The following MAD1L1 variants were observed in gnomAD, a reference collection of about 807,000 sequenced individuals.
The protein encoded by MAD1L1 is mitotic spindle assembly checkpoint protein MAD1.
MAD1L1 carries 95 observed loss-of-function variants against 96.9 expected under a neutral mutation model. The observed-to-expected ratio is 0.98, with a 90% confidence interval of 0.83 to 1.16. The LOEUF (loss-of-function observed/expected upper bound fraction) is 1.16. Among genes scored for constraint, MAD1L1 ranks in the 50% most tolerant of loss-of-function variants. The pLI is 0.00. For synonymous variants in MAD1L1, 473 were observed against 396.6 expected (o/e 1.19, Z -2.29); for missense variants, 1,007 against 954.4 (o/e 1.06, Z -0.73).
chr7:2,177,823 C>G (rs1046429041), intron 10 of MAD1L1, among the ~76,000 whole-genome samples: 1 of 152,210 alleles, frequency 6.6e-6, no homozygotes, highest in Non-Finnish European at 1.5e-5. Context: ...GAGTTTGCAT[C>G]TTCAACAAGA....
intron 18 of MAD1L1, among the ~76,000 whole-genome samples, chr7:1,894,497 C>T (rs886942263): frequency 2.0e-5 from 3 of 152,208 alleles, no homozygotes; most frequent in African/African-American, 7.2e-5. Context: ...CCACAGGTGG[C>T]ACTTATGAGA....
chr7:2,000,039 G>A (rs867809719), intron 14 of MAD1L1, among the ~76,000 whole-genome samples: 37 of 152,244 alleles, frequency 2.4e-4, no homozygotes, highest in African/African-American at 8.7e-4. Flanking sequence ...CCCAACAACA[G>A]AAACACCATG....
intron 13 of MAD1L1, among the ~76,000 whole-genome samples, 156 bp downstream of exon 13, chr7:2,014,346 G>A (rs965718337): frequency 5.3e-5 from 8 of 152,130 alleles, no homozygotes; most frequent in African/African-American, 1.7e-4. Context: ...ACATGCAGAG[G>A]AAGCAGCCCG....
At chr7:2,172,647 C>T (rs1790761634) in intron 10 of MAD1L1, among the ~76,000 whole-genome samples, 1 of 152,250 alleles carries the variant, frequency 6.6e-6, no homozygotes. Flanking sequence ...GCAAAGCCGT[C>T]AGTAGTCCTC....
At chr7:2,078,616 T>C (rs1442595623) in intron 11 of MAD1L1, among the ~76,000 whole-genome samples, 1 of 152,180 alleles carries the variant, frequency 6.6e-6, no homozygotes, top group African/African-American at 2.4e-5. Flanking sequence ...AGGCCGAGCC[T>C]CCTGAGCAGT....
chr7:1,967,576 A>G (rs1410479691), intron 15 of MAD1L1, among the ~76,000 whole-genome samples: 3 of 152,238 alleles, frequency 2.0e-5, no homozygotes, highest in African/African-American at 7.2e-5. Context: ...AGCCACAGGC[A>G]TACCCAGACC....
intron 16 of MAD1L1, among the ~76,000 whole-genome samples, chr7:1,948,130 C>A (rs558967386): frequency 6.6e-6 from 1 of 152,162 alleles, no homozygotes; most frequent in Non-Finnish European, 1.5e-5. Flanking sequence ...ATCTGGGGCA[C>A]CTGCAGGGGG....
chr7:1,853,156 G>A (rs1007790379), intron 18 of MAD1L1, among the ~76,000 whole-genome samples: 12 of 152,204 alleles, frequency 7.9e-5, no homozygotes, highest in African/African-American at 2.9e-4. Flanking sequence ...CAGGAGGTGG[G>A]GGCCCTGATG....
At chr7:2,150,624 G>A (rs140735454) in intron 10 of MAD1L1, among the ~76,000 whole-genome samples, 122 of 152,276 alleles carry the variant, frequency 8.0e-4, no homozygotes, top group African/African-American at 2.6e-3. Flanking sequence ...GCTGGAGGCC[G>A]CCTTGCCCAG....
At chr7:2,064,617 AGGAGGACAGAGGCTTCTCCTG>A (rs927242184) in intron 12 of MAD1L1, among the ~76,000 whole-genome samples, 27 of 152,068 alleles carry the variant, frequency 1.8e-4, no homozygotes, top group South Asian at 4.2e-4. Context: ...AGCTTCTCCC[AGGAGGACAGAGGCTTCTCCTG>A]GGAGGACAGA....
intron 17 of MAD1L1, among the ~76,000 whole-genome samples, chr7:1,919,094 G>T (rs1190710798): frequency 6.6e-6 from 1 of 152,260 alleles, no homozygotes; most frequent in African/African-American, 2.4e-5. Flanking sequence ...AGTCCCAGGA[G>T]TCTGCAGAGA....
At chr7:2,109,585 A>G (rs2159783) in intron 11 of MAD1L1, 4,130 of 152,344 alleles carry the variant, frequency 0.027, 98 homozygotes, top group South Asian at 0.091. Flanking sequence ...CTACATCAGA[A>G]GACTTCCCCA....
chr7:2,064,219 T>C (rs1052070466), intron 12 of MAD1L1, among the ~76,000 whole-genome samples: 1 of 151,908 alleles, frequency 6.6e-6, no homozygotes, highest in African/African-American at 2.4e-5. Flanking sequence ...AAGAGCAACA[T>C]GTCTTCAAAA....
At chr7:2,183,169 C>T (rs889708281) in intron 10 of MAD1L1, among the ~76,000 whole-genome samples, 5 of 151,026 alleles carry the variant, frequency 3.3e-5, no homozygotes, top group East Asian at 1.9e-4. Context: ...ACTATGATCG[C>T]GCCACTGCAT....
At chr7:2,091,678 A>G (rs1175409794) in intron 11 of MAD1L1, among the ~76,000 whole-genome samples, 1 of 151,988 alleles carries the variant, frequency 6.6e-6, no homozygotes, top group Non-Finnish European at 1.5e-5. Context: ...CTGGAGGCTG[A>G]GGCAGAAGAA....
chr7:2,126,755 G>C (rs1788252624), intron 11 of MAD1L1, among the ~76,000 whole-genome samples: 1 of 152,172 alleles, frequency 6.6e-6, no homozygotes, highest in African/African-American at 2.4e-5. Flanking sequence ...CCGCTGGGCA[G>C]CTTTACACCT....
chr7:1,860,976 G>T (rs1228944285), intron 18 of MAD1L1, among the ~76,000 whole-genome samples: 1 of 152,204 alleles, frequency 6.6e-6, no homozygotes. Context: ...ATAGGTGGTT[G>T]TACCAGCAGC....
At position 1,884,782 on chromosome 7, in the gene MAD1L1, C is replaced by A. The variant is rs139059027; in HGVS notation, c.1998+13418G>T. 4.1e-3 allele frequency among the ~76,000 whole-genome samples: 624 copies of A among 152,324 alleles called. 5 individuals carry two copies. Among genetic ancestry groups the A allele is most frequent in the African/African-American group, 0.014 (571 of 41,578 alleles). On this transcript the variant is annotated intron_variant, in intron 18 of 18. Transcript: ENST00000265854. Reference sequence around the variant, plus strand: ...AGCCCAGGCCTCCTGTCTGCTGTCCCACAGGTCAGAGCCCTGGGGGCAGCC... The same window carrying A: ...AGCCCAGGCCTCCTGTCTGCTGTCCAACAGGTCAGAGCCCTGGGGGCAGCC...
intron 11 of MAD1L1, among the ~76,000 whole-genome samples, chr7:2,132,553 TC>T (rs1788570830): frequency 6.6e-6 from 1 of 152,188 alleles, no homozygotes; most frequent in South Asian, 2.1e-4. Flanking sequence ...CGCCTGCGCA[TC>T]CCTCTTGTCC....
Sources: gnomAD v4.1 joint callset for allele counts (sites outside exome capture counted in the v4.1 genomes callset) on GRCh38, gnomAD v4.1.1 for gene constraint, MANE v1.5 for transcripts, NCBI Gene and HGNC (gene_info 2026-07-23, HGNC 2026-07-21) for gene names.